The following KNDC1 variants were observed in gnomAD, a reference collection of about 807,000 sequenced individuals.
The protein encoded by KNDC1 is kinase non-catalytic C-lobe domain-containing protein 1.
A neutral mutation model predicts 172.8 loss-of-function variants in KNDC1; 106 were observed. The ratio of observed to expected loss-of-function variants is 0.61; its 90% CI spans 0.52 to 0.72. The LOEUF (loss-of-function observed/expected upper bound fraction) is 0.72, where lower values mean the gene tolerates loss of function less well. Ranked by LOEUF, KNDC1 falls within the 30% of genes least tolerant of loss-of-function variation. KNDC1 has a pLI of 0.00. For synonymous variants in KNDC1, 1,083 were observed against 1,062.2 expected, an observed-to-expected ratio of 1.02 and a Z score of -0.38; for missense variants, 2,325 against 2,394.5, an observed-to-expected ratio of 0.97 and a Z score of 0.61.
chr10:133,209,013 C>T lies in KNDC1; in HGVS notation c.3795-1598C>T, dbSNP rs1350570630. On this transcript the variant is annotated intron_variant, in intron 20 of 29. Coordinates refer to ENST00000304613, the MANE Select transcript of KNDC1 (RefSeq NM_152643.8). This position sits in a 1 kb window ranked among gnomAD's most constrained non-coding sequence, Gnocchi z 4.9. ...TGTGTGGTGTGTGGTTGTGGGATATCGTGTGGTGTAGTAGGTACGTGTGCG... is the reference window on the plus strand; with the variant it reads ...TGTGTGGTGTGTGGTTGTGGGATATTGTGTGGTGTAGTAGGTACGTGTGCG... Among the ~76,000 whole-genome samples, 2 of 137,564 alleles carry T rather than the reference C, an allele frequency of 1.5e-5. No homozygotes were observed. Among genetic ancestry groups the T allele is most frequent in the Admixed American group, 7.2e-5 (1 of 13,808 alleles). The allele number at this position is 137,564 out of a possible 152,430, so 90.2% of individuals were successfully genotyped here. A position where few individuals can be genotyped will look rare whatever the true frequency, so the allele number is the denominator to read the frequency against.
At chr10:133,206,800 G>A in intron 18 of KNDC1, 22 bp downstream of exon 18, 1 of 1,613,684 alleles carries the variant, frequency 6.2e-7, no homozygotes, top group Non-Finnish European at 8.5e-7. Context: ...GTGGGCACAG[G>A]TCCGAGACCC....
At chr10:133,168,448 C>A (rs1591219711) in intron 3 of KNDC1, 136 bp downstream of exon 3, 2 of 865,784 alleles carry the variant, frequency 2.3e-6, no homozygotes, top group Admixed American at 2.0e-5. Flanking sequence ...CGCTGCTGCC[C>A]GGTTCACTGG....
At chr10:133,175,098 G>T in intron 3 of KNDC1, among the ~76,000 whole-genome samples, 1 of 146,216 alleles carries the variant, frequency 6.8e-6, no homozygotes, top group Non-Finnish European at 1.5e-5. Context: ...TGGATAGATG[G>T]ATGGTGGATA....
chr10:133,219,868 C>T (rs962788583), intron 28 of KNDC1, 87 bp from the exon 29 acceptor site: 7 of 1,339,116 alleles, frequency 5.2e-6, no homozygotes, highest in East Asian at 5.2e-5. Context: ...CCCGCTGGGA[C>T]TGGTTGGGCT....
rs770160976 is a variant in KNDC1, at chr10:133,186,268, C to G, written c.920C>G (p.Thr307Arg). The part of the protein sequence containing the change: ...LRRSRLRKVQ[T>R]FPRLLSDSPE... ...AGAAGCCGCCTGCGGAAGGTGCAGA[C>G]GTTCCCTAGGCTGCTGTCCGACAGC... Residue 307 changes from threonine to arginine, a missense_variant, in exon 6 of 30, where the codon ACG becomes AGG. Thr to Arg is a moderately conservative substitution (Grantham distance 71). Coordinates refer to ENST00000304613, the MANE Select transcript of KNDC1 (RefSeq NM_152643.8). The G allele has an allele frequency of 1.9e-6, 3 of 1,608,294 alleles. No homozygotes were observed. The highest frequency in any genetic ancestry group is 2.2e-5 in the East Asian group (1 of 44,810).
At chr10:133,211,084 C>T (rs1486968469) in intron 21 of KNDC1, among the ~76,000 whole-genome samples, 2 of 152,014 alleles carry the variant, frequency 1.3e-5, no homozygotes, top group African/African-American at 2.4e-5. Context: ...TCCTACCGGC[C>T]GCCAGCCTCC....
chr10:133,188,768 C>G, intron 7 of KNDC1, 115 bp downstream of exon 7: 1 of 586,870 alleles, frequency 1.7e-6, no homozygotes, highest in Non-Finnish European at 3.0e-6. Flanking sequence ...CCACGCCCCC[C>G]CACTGTCCCA....
rs760020017 is a variant in KNDC1 at position 133,160,551 on chromosome 10, C to T, written c.84C>T (p.Pro28=). 7.6e-6 allele frequency: 12 copies of T among 1,582,106 alleles called. No homozygotes were observed. Among genetic ancestry groups the T allele is most frequent in the Non-Finnish European group, 1.0e-5 (12 of 1,165,868 alleles). Residue 28 remains proline, a synonymous_variant, in exon 1 of 30, where the codon CCC becomes CCT. Coordinates refer to ENST00000304613, the MANE Select transcript of KNDC1 (RefSeq NM_152643.8). ...ACTTCTACGACTTCGAGCCGCTGCC[C>T]ACCCTCCCCGAGGACGAGGTGAGCC... ...DLDFYDFEPL[P]TLPEDEENVS...
In KNDC1 at chr10:133,167,507, A is replaced by T; in HGVS notation, c.229A>T (p.Ser77Cys). 6.2e-7 allele frequency: 1 copy of T among 1,605,880 alleles called. No homozygotes were observed. Among genetic ancestry groups the T allele is most frequent in the South Asian group, 1.1e-5 (1 of 89,336 alleles). ...RSVAHAAIFQSLCITPDTLAF... is the reference protein window; with the variant it reads ...RSVAHAAIFQCLCITPDTLAF... The stretch of plus-strand genomic sequence containing the variant: ...CGTGGCCCACGCCGCCATCTTCCAG[A>T]GCCTGTGCATCACGCCCGACACCCT... Residue 77 changes from serine (S) to cysteine (C), a missense_variant, in exon 2 of 30, where the codon AGC becomes TGC. By Grantham distance (112) the Ser-to-Cys change is moderately radical. Coordinates refer to ENST00000304613, the MANE Select transcript of KNDC1 (RefSeq NM_152643.8).
At chr10:133,170,357 ATCTGGGGTCTGGCCTGGGG>A (rs1478939967) in intron 3 of KNDC1, among the ~76,000 whole-genome samples, 8 of 151,284 alleles carry the variant, frequency 5.3e-5, no homozygotes, top group South Asian at 2.1e-4. Context: ...GGGGCCTGGG[ATCTGGGGTCTGGCCTGGGG>A]TCTGGGGTCT....
Position 133,219,064 on chromosome 10 carries a change from G to A in KNDC1, c.4834G>A (p.Val1612Ile), listed in dbSNP as rs760968884. 18 of 1,613,926 alleles carry A rather than the reference G, an allele frequency of 1.1e-5. No homozygotes were observed. The highest frequency in any genetic ancestry group is 3.3e-5 in the Admixed American group (2 of 59,990). The change falls in exon 28 of 30, where the codon GTC becomes ATC. Residue 1612 changes from valine (V) to isoleucine (I), a missense_variant. Transcript: ENST00000304613. ...AATTCTGCCTGCAAAGATAGCAGAG[G>A]TCATGGAGGAGCTGAAAGCCGTGGA... ...WRILPAKIAEVMEELKAVEVF... is the reference protein window; with the variant it reads ...WRILPAKIAEIMEELKAVEVF...
intron 3 of KNDC1, among the ~76,000 whole-genome samples, chr10:133,182,580 G>A (rs1478729017): frequency 6.6e-6 from 1 of 152,264 alleles, no homozygotes; most frequent in Non-Finnish European, 1.5e-5. Flanking sequence ...GAAGTGTCCA[G>A]GCCTGAAGTG....
Position 133,220,028 on chromosome 10 carries a change from C to T in KNDC1, c.4934C>T (p.Ala1645Val), listed in dbSNP as rs1255029976. 2.6e-6 allele frequency: 4 copies of T among 1,555,842 alleles called. No homozygotes were observed. The highest frequency in any genetic ancestry group is 1.4e-5 in the African/African-American group (1 of 73,488). ...CGGGCGCAGCCCACCCTGCCCTCGG[C>T]CCACCTCCTGGCCATGCACATCCAG... ...RFRAQPTLPS[A>V]HLLAMHIQQL... Residue 1645 changes from alanine (A) to valine (V), a missense_variant, in exon 29 of 30, where the codon GCC becomes GTC. Coordinates refer to ENST00000304613, the MANE Select transcript of KNDC1 (RefSeq NM_152643.8).
At position 133,224,272 on chromosome 10, in the gene KNDC1, C is replaced by A. The variant is rs897534207; in HGVS notation, c.5019-387C>A. Among the ~76,000 whole-genome samples the A allele has an allele frequency of 3.3e-5, 5 of 152,164 alleles. No individual in the cohort carries two copies. The highest frequency in any genetic ancestry group is 9.7e-5 in the African/African-American group (4 of 41,434). The stretch of plus-strand genomic sequence containing the variant: ...TGTCCCAGGCTTCCGGCCCTGGGCC[C>A]CGGCCGTGGCGATTCCCAGGTGTGA... On this transcript the variant is annotated intron_variant, in intron 29 of 29. Coordinates refer to ENST00000304613, the MANE Select transcript of KNDC1 (RefSeq NM_152643.8). This position sits in a 1 kb window ranked among gnomAD's most constrained non-coding sequence, Gnocchi z 5.4.
At chr10:133,196,343 G>GGGACCAGCGGGT (rs1302616905) in intron 10 of KNDC1, among the ~76,000 whole-genome samples, 1 of 152,118 alleles carries the variant, frequency 6.6e-6, no homozygotes, top group Non-Finnish European at 1.5e-5. Flanking sequence ...ACCCGGCATG[G>GGGACCAGCGGGT]GGACCAGCGG....
chr10:133,171,995 C>A (rs1395705025), intron 3 of KNDC1, among the ~76,000 whole-genome samples: 2 of 152,106 alleles, frequency 1.3e-5, no homozygotes, highest in African/African-American at 4.8e-5. Context: ...CTTACAGATT[C>A]TTTTAGTTTT....
intron 3 of KNDC1, among the ~76,000 whole-genome samples, chr10:133,173,716 G>A (rs139819492): frequency 0.017 from 2,546 of 152,328 alleles, 35 homozygotes; most frequent in South Asian, 0.027. Context: ...TCTGGACAGC[G>A]CAGAGCAGAG....
rs144567158 is a variant in KNDC1, at chr10:133,195,780, C to A, written c.1693C>A (p.Arg565Ser). ...GACCCTCCTCCTGGACATGGCCAGG[C>A]GCAGTGCCCCGGAGCGGCCGTCCGC... ...LKTLLLDMAR[R>S]SAPERPSAAE... is the part of the protein sequence containing the mutation. The change falls in exon 10 of 30, where the codon CGC becomes AGC. Residue 565 changes from arginine to serine, a missense_variant. Physicochemically the swap from Arg to Ser is moderately radical, Grantham distance 110. Transcript: ENST00000304613. 1 of 1,598,428 alleles carries A rather than the reference C, an allele frequency of 6.3e-7. No homozygotes were observed. Among genetic ancestry groups the A allele is most frequent in the East Asian group, 2.3e-5 (1 of 43,826 alleles).
chr10:133,208,536 C>T (rs985183751), intron 20 of KNDC1, among the ~76,000 whole-genome samples: 1 of 27,384 alleles, frequency 3.7e-5, no homozygotes, highest in Non-Finnish European at 8.0e-5. Context: ...GGGACGTGGC[C>T]CCCCCAACCC....
Sources: gnomAD v4.1 joint callset for allele counts (sites outside exome capture counted in the v4.1 genomes callset) on GRCh38, gnomAD v4.1.1 for gene constraint, Gnocchi (gnomAD v3.1) non-coding constraint, MANE v1.5 for transcripts, NCBI Gene and HGNC (gene_info 2026-07-23, HGNC 2026-07-21) for gene names.